Variants in DNAH8 observed in about 807,000 individuals in gnomAD.
DNAH8 encodes axonemal beta dynein heavy chain 8.
Under a neutral mutation model 562.1 loss-of-function variants are expected in DNAH8, and 382 were observed. The ratio of observed to expected loss-of-function variants is 0.68; its 90% CI spans 0.63 to 0.74. The LOEUF is 0.74. Among genes scored for constraint, DNAH8 ranks in the 30% least tolerant of loss-of-function variants. DNAH8 has a pLI of 0.00. For synonymous variants in DNAH8, 1,881 were observed against 1,919.4 expected (o/e 0.98, Z 0.52); for missense variants, 5,203 against 5,620.4 (o/e 0.93, Z 2.37).
chr6:38,795,674 G>A (rs1282739709), intron 21 of DNAH8, among the ~76,000 whole-genome samples: 1 of 152,132 alleles, frequency 6.6e-6, no homozygotes, highest in Non-Finnish European at 1.5e-5. Flanking sequence ...TTGCCCTGGA[G>A]TGATCTAAGA....
chr6:38,725,493 A>G (rs1476915500), intron 3 of DNAH8, among the ~76,000 whole-genome samples: 1 of 152,054 alleles, frequency 6.6e-6, no homozygotes. Flanking sequence ...GTGTAGCTGT[A>G]ACAGTGAGAT....
rs184214181 is a variant in DNAH8, at chr6:38,840,649, A to C, written c.4467-1719A>C. 1.4e-3 allele frequency among the ~76,000 whole-genome samples: 215 copies of C among 152,332 alleles called. No individual in the cohort carries two copies. In the Middle Eastern group the frequency reaches 0.024, roughly 17 times the overall value. On this transcript the variant is annotated intron_variant, in intron 33 of 92. Transcript: ENST00000327475. ...CATATTAATCAATTTCACCATCAAA[A>C]GGGAATGCTGCTTTCTCTTTCCTGT...
intron 36 of DNAH8, among the ~76,000 whole-genome samples, chr6:38,846,620 G>A (rs1393901422): frequency 6.6e-6 from 1 of 152,100 alleles, no homozygotes; most frequent in East Asian, 1.9e-4. Context: ...CAAGGTCCTC[G>A]GATGCATCCT....
chr6:38,984,139 G>T (rs1764210436), intron 86 of DNAH8, 67 bp from the exon 87 acceptor site: 10 of 898,338 alleles, frequency 1.1e-5, no homozygotes, highest in Non-Finnish European at 1.7e-5. Flanking sequence ...TCTAGGGAAA[G>T]ACCCGAAATG....
intron 27 of DNAH8, 99 bp from the exon 28 acceptor site, chr6:38,823,463 C>G: frequency 3.3e-6 from 3 of 916,500 alleles, no homozygotes; most frequent in Non-Finnish European, 5.1e-6. Flanking sequence ...ATTGCACACA[C>G]AAGTGTAAAT....
intron 20 of DNAH8, 77 bp from the exon 21 acceptor site, chr6:38,791,478 C>A (rs1215832535): frequency 6.8e-7 from 1 of 1,479,196 alleles, no homozygotes; most frequent in Non-Finnish European, 9.0e-7. Context: ...TAATTTATAA[C>A]TCAAGCCTCT....
intron 41 of DNAH8, among the ~76,000 whole-genome samples, chr6:38,854,830 G>A (rs1563004068): frequency 6.7e-6 from 1 of 149,790 alleles, no homozygotes; most frequent in African/African-American, 2.5e-5. Flanking sequence ...GTGTATGTGT[G>A]TATATATATA....
intron 43 of DNAH8, 91 bp downstream of exon 43, chr6:38,860,720 A>G: frequency 1.0e-6 from 1 of 969,004 alleles, no homozygotes; most frequent in Non-Finnish European, 1.5e-6. Flanking sequence ...ACAAAAGCAG[A>G]TTTCTGTCAT....
At chr6:38,972,754 C>A (rs555839692) in intron 83 of DNAH8, among the ~76,000 whole-genome samples, 50 of 152,204 alleles carry the variant, frequency 3.3e-4, no homozygotes, top group Admixed American at 7.8e-4. Context: ...CCTTGAGGGA[C>A]ACCATGTTTA....
chr6:38,953,877 T>C (rs909628072), intron 82 of DNAH8, among the ~76,000 whole-genome samples: 3 of 151,734 alleles, frequency 2.0e-5, no homozygotes, highest in Admixed American at 6.6e-5. Context: ...GGGGAAACTA[T>C]GGTCTGGAGA....
chr6:38,991,239 G>A (rs553613541), intron 88 of DNAH8, among the ~76,000 whole-genome samples: 16 of 151,946 alleles, frequency 1.1e-4, no homozygotes, highest in Non-Finnish European at 2.2e-4. Context: ...CTCTCATCTC[G>A]CCCAGGCTGC....
intron 41 of DNAH8, among the ~76,000 whole-genome samples, chr6:38,856,323 C>T (rs1431927399): frequency 6.6e-6 from 1 of 152,174 alleles, no homozygotes; most frequent in East Asian, 1.9e-4. Context: ...GTTTTCACCA[C>T]TAAGTCGCAT....
rs558094547 is a variant in DNAH8 at position 38,827,076 on chromosome 6, G to C, written c.4083+685G>C. ...TCCCTCCTTTTTCTAGCTTCTAGGG[G>C]CTGCCCACGTGTCTTGGCTCATGGT... On this transcript the variant is annotated intron_variant, in intron 29 of 92. Coordinates refer to ENST00000327475, the MANE Select transcript of DNAH8 (RefSeq NM_001206927.2). Among the ~76,000 whole-genome samples the C allele has an allele frequency of 1.6e-4, 24 of 152,228 alleles. No individual in the cohort carries two copies. In the South Asian group the frequency reaches 3.5e-3, roughly 22 times the overall value.
intron 61 of DNAH8, 134 bp from the exon 62 acceptor site, chr6:38,899,642 G>A (rs148213805): frequency 1.1e-6 from 1 of 906,848 alleles, no homozygotes; most frequent in East Asian, 2.8e-5. Flanking sequence ...TAAAAATTCT[G>A]TCATAGACCA....
At chr6:39,023,479 C>T (rs1308601765) in intron 91 of DNAH8, among the ~76,000 whole-genome samples, 4 of 152,024 alleles carry the variant, frequency 2.6e-5, no homozygotes, top group Non-Finnish European at 2.9e-5. Context: ...GGCGACAGAG[C>T]GAGACACCGT....
chr6:38,777,777 T>C (rs1768212564), intron 13 of DNAH8, among the ~76,000 whole-genome samples: 1 of 152,202 alleles, frequency 6.6e-6, no homozygotes, highest in African/African-American at 2.4e-5. Context: ...TTGTACGTCC[T>C]TAGCAGTGGC....
In DNAH8 at chr6:38,728,168, A is replaced by G. The variant is rs78382536; in HGVS notation, c.526-1734A>G. On this transcript the variant is annotated intron_variant, in intron 3 of 92. Transcript: ENST00000327475. ...ATTTTTATAGAGAGGAGATTTCGCC[A>G]TGTTTCTCAGGCTGGTCTTGAACTC... Among the ~76,000 whole-genome samples the G allele has an allele frequency of 6.6e-3, 1,009 of 152,090 alleles. 15 individuals are homozygous for G. The highest frequency in any genetic ancestry group is 0.024 in the African/African-American group (978 of 41,484).
At chr6:38,971,443 C>A (rs141948580) in intron 82 of DNAH8, 149 bp from the exon 83 acceptor site, 26 of 463,650 alleles carry the variant, frequency 5.6e-5, no homozygotes, top group African/African-American at 4.6e-4. Context: ...TCCACACAAC[C>A]AAAGGCCAGG....
chr6:38,803,430 T>A lies in DNAH8; in HGVS notation c.3034+119T>A, dbSNP rs188782006. 51 of 688,936 alleles carry A rather than the reference T, an allele frequency of 7.4e-5. No individual in the cohort carries two copies. The African/African-American group carries it at 8.0e-4, about 11-fold the overall frequency. 42.7% of individuals were successfully genotyped at this position (688,936 alleles called of 1,614,324 possible). ...CTCCCTTCCCCAGAAGCAAAGAAGG[T>A]GTTCAGCATAAATCACATTGTTTGT... On this transcript the variant is annotated intron_variant, in intron 22 of 92. Transcript: ENST00000327475.
Sources: allele counts gnomAD v4.1 joint callset (sites outside exome capture counted in the v4.1 genomes callset), GRCh38; gene constraint gnomAD v4.1.1; transcripts MANE v1.5; gene names NCBI Gene and HGNC (gene_info 2026-07-23, HGNC 2026-07-21).